CSMD1: variants seen among roughly 807,000 people sequenced by gnomAD.
CSMD1 encodes CUB and sushi domain-containing protein 1.
CSMD1 carries 213 observed loss-of-function variants against 417.5 expected under a neutral mutation model. The observed-to-expected ratio is 0.51, with a 90% confidence interval of 0.46 to 0.57. The LOEUF (loss-of-function observed/expected upper bound fraction) is 0.57. Ranked by LOEUF, CSMD1 falls within the 20% of genes least tolerant of loss-of-function variation. The pLI, the probability that CSMD1 is intolerant of heterozygous loss-of-function variation, is 0.00. For synonymous variants in CSMD1, 2,862 were observed against 1,736.8 expected, an observed-to-expected ratio of 1.65 and a Z score of -16.11; for missense variants, 6,923 against 4,529.7, an observed-to-expected ratio of 1.53 and a Z score of -15.17.
intron 2 of CSMD1, among the ~76,000 whole-genome samples, chr8:4,498,008 G>T (rs867647571): frequency 1.3e-5 from 2 of 152,150 alleles, no homozygotes; most frequent in Admixed American, 1.3e-4. Flanking sequence ...TACAGTAAAC[G>T]TCCCGCAGCC....
intron 3 of CSMD1, among the ~76,000 whole-genome samples, chr8:4,204,701 C>A (rs1399055961): frequency 6.6e-6 from 1 of 152,150 alleles, no homozygotes; most frequent in Non-Finnish European, 1.5e-5. Context: ...GTCACCCAGG[C>A]TGGAATGCAG....
At chr8:4,974,316 A>T (rs1297954246) in intron 1 of CSMD1, among the ~76,000 whole-genome samples, 1 of 151,828 alleles carries the variant, frequency 6.6e-6, no homozygotes, top group Non-Finnish European at 1.5e-5. Flanking sequence ...GCAAGATTTT[A>T]TTTTTGAAGA....
chr8:3,113,677 G>A (rs1477070724), intron 42 of CSMD1, among the ~76,000 whole-genome samples: 2 of 152,096 alleles, frequency 1.3e-5, no homozygotes, highest in Non-Finnish European at 2.9e-5. Context: ...CTGAGAAGTG[G>A]GAAGGGGGTA....
chr8:3,435,801 C>T lies in CSMD1; in HGVS notation c.1562-26196G>A, dbSNP rs138578076. 3.0e-3 allele frequency among the ~76,000 whole-genome samples: 464 copies of T among 152,306 alleles called. 4 individuals are homozygous for T. Among genetic ancestry groups the T allele is most frequent in the South Asian group, 0.019 (92 of 4,828 alleles). On this transcript the variant is annotated intron_variant, in intron 12 of 69. Coordinates refer to ENST00000635120, the MANE Select transcript of CSMD1 (RefSeq NM_033225.6). ...ACTGCCCTGCACAAAACTTCCATGG[C>T]TTCTGATTGCAGAGTGACAAGAGAA...
chr8:3,745,628 A>C (rs575688842), intron 6 of CSMD1, among the ~76,000 whole-genome samples: 4 of 152,202 alleles, frequency 2.6e-5, no homozygotes, highest in African/African-American at 9.6e-5. Flanking sequence ...CTCCACTGAG[A>C]CTCTGAAGCA....
At chr8:3,474,906 G>A (rs1000727790) in intron 11 of CSMD1, among the ~76,000 whole-genome samples, 3 of 152,076 alleles carry the variant, frequency 2.0e-5, no homozygotes, top group Non-Finnish European at 4.4e-5. Flanking sequence ...TTTTGATAGA[G>A]GAAAATATAA....
chr8:3,210,390 CTAAT>C (rs1298335156), intron 30 of CSMD1, among the ~76,000 whole-genome samples: 3 of 77,202 alleles, frequency 3.9e-5, no homozygotes, highest in Non-Finnish European at 8.4e-5. Context: ...GAAACAGTCT[CTAAT>C]TAAAAATTTG....
At chr8:4,843,009 C>A (rs552095015) in intron 1 of CSMD1, among the ~76,000 whole-genome samples, 1 of 152,322 alleles carries the variant, frequency 6.6e-6, no homozygotes, top group African/African-American at 2.4e-5. Context: ...TAACATGCTA[C>A]TCCAGGACTC....
chr8:3,652,839 C>T (rs12680010), intron 7 of CSMD1, among the ~76,000 whole-genome samples: 39,539 of 152,042 alleles, frequency 0.26, 5,187 homozygotes, highest in East Asian at 0.36. Flanking sequence ...TGCTCACTAC[C>T]GTATTGGCAG....
chr8:4,396,567 C>G (rs1804229973), intron 3 of CSMD1, among the ~76,000 whole-genome samples: 1 of 151,958 alleles, frequency 6.6e-6, no homozygotes, highest in Non-Finnish European at 1.5e-5. Flanking sequence ...TTCGCAACTG[C>G]AACCAGCCTA....
intron 1 of CSMD1, among the ~76,000 whole-genome samples, chr8:4,938,054 G>A (rs1390716861): frequency 6.6e-6 from 1 of 152,040 alleles, no homozygotes; most frequent in African/African-American, 2.4e-5. Flanking sequence ...ACATCAAAAA[G>A]TATTAATTTC....
At chr8:3,192,673 A>AT (rs1796494351) in intron 33 of CSMD1, among the ~76,000 whole-genome samples, 1 of 152,236 alleles carries the variant, frequency 6.6e-6, no homozygotes, top group Non-Finnish European at 1.5e-5. Flanking sequence ...TTGAAATACA[A>AT]ATACAATATT....
At chr8:4,388,119 CTAAA>C (rs1366239648) in intron 3 of CSMD1, among the ~76,000 whole-genome samples, 5 of 152,108 alleles carry the variant, frequency 3.3e-5, no homozygotes, top group African/African-American at 1.2e-4. Flanking sequence ...CTCTGCCCAG[CTAAA>C]TGTAATTATT....
chr8:3,310,963 G>A (rs1805295060), intron 23 of CSMD1, among the ~76,000 whole-genome samples: 1 of 152,160 alleles, frequency 6.6e-6, no homozygotes, highest in Non-Finnish European at 1.5e-5. Context: ...ATCTGCTGGG[G>A]ATGATGAAAG....
At chr8:3,837,837 A>T (rs1392677361) in intron 5 of CSMD1, among the ~76,000 whole-genome samples, 3 of 152,152 alleles carry the variant, frequency 2.0e-5, no homozygotes, top group Admixed American at 2.0e-4. Flanking sequence ...AGTCGCAGGA[A>T]ATTCTATTGC....
intron 1 of CSMD1, among the ~76,000 whole-genome samples, chr8:4,749,190 A>C (rs991076721): frequency 3.3e-5 from 5 of 152,268 alleles, no homozygotes; most frequent in African/African-American, 1.2e-4. Context: ...GATATGGATT[A>C]GAATATTCTT....
chr8:4,934,401 A>G (rs144417358), intron 1 of CSMD1, among the ~76,000 whole-genome samples: 1 of 152,314 alleles, frequency 6.6e-6, no homozygotes, highest in African/African-American at 2.4e-5. Context: ...AAGAATAATA[A>G]TTCAGGAAGG....
intron 5 of CSMD1, among the ~76,000 whole-genome samples, chr8:3,849,209 T>C (rs528087237): frequency 1.3e-5 from 2 of 152,138 alleles, no homozygotes; most frequent in South Asian, 4.2e-4. Flanking sequence ...TGGGAATGGT[T>C]GATGAGAAAA....
At chr8:3,977,017 G>A (rs561151320) in intron 5 of CSMD1, among the ~76,000 whole-genome samples, 12 of 152,176 alleles carry the variant, frequency 7.9e-5, no homozygotes, top group African/African-American at 1.4e-4. Context: ...GAAGGTGCCT[G>A]CAGGGAATGG....
Sources: allele counts gnomAD v4.1 joint callset (sites outside exome capture counted in the v4.1 genomes callset), GRCh38; gene constraint gnomAD v4.1.1; transcripts MANE v1.5; gene names NCBI Gene and HGNC (gene_info 2026-07-23, HGNC 2026-07-21).